MEGF10: variants seen among roughly 807,000 people sequenced by gnomAD.
The protein encoded by MEGF10 is multiple EGF like domains 10.
A neutral mutation model predicts 147.5 loss-of-function variants in MEGF10; 86 were observed. The observed-to-expected ratio is 0.58, with a 90% CI of 0.49 to 0.70. The LOEUF is 0.70. MEGF10 is among the 30% of genes least tolerant of loss of function. The pLI is 0.00. For missense variants in MEGF10, 1,329 were observed against 1,487.3 expected (o/e 0.89, Z 1.75); for synonymous variants, 478 against 525.5 (o/e 0.91, Z 1.24).
intron 16 of MEGF10, among the ~76,000 whole-genome samples, chr5:127,436,495 A>G (rs1186880302): frequency 6.6e-6 from 1 of 152,214 alleles, no homozygotes; most frequent in East Asian, 1.9e-4. Flanking sequence ...CTTCAGAAGA[A>G]ATCAGTCTGT....
chr5:127,446,748 A>G (rs1312436566), intron 20 of MEGF10, among the ~76,000 whole-genome samples: 1 of 152,196 alleles, frequency 6.6e-6, no homozygotes, highest in East Asian at 1.9e-4. Flanking sequence ...AAACTGGTTT[A>G]ATTCTAATTG....
intron 9 of MEGF10, among the ~76,000 whole-genome samples, chr5:127,416,941 G>A (rs1201250018): frequency 6.6e-6 from 1 of 152,230 alleles, no homozygotes; most frequent in African/African-American, 2.4e-5. Flanking sequence ...CTAGTTAAGG[G>A]AGGGTTTTAG....
chr5:127,433,314 A>C, intron 13 of MEGF10, 49 bp from the exon 14 acceptor site: 1 of 1,612,378 alleles, frequency 6.2e-7, no homozygotes. Context: ...CATCTGCGGA[A>C]ACTCCGCACT....
At chr5:127,298,312 G>A (rs186927662) in intron 1 of MEGF10, among the ~76,000 whole-genome samples, 60 of 152,188 alleles carry the variant, frequency 3.9e-4, no homozygotes, top group Admixed American at 9.2e-4. Flanking sequence ...AGCCCTCATC[G>A]TTCTCACCTG....
chr5:127,267,258 C>G, the MEGF10 span, among the ~76,000 whole-genome samples: 1 of 152,180 alleles, frequency 6.6e-6, no homozygotes, highest in South Asian at 2.1e-4. Flanking sequence ...AGCCTTGCAT[C>G]CCAGGGATGA....
chr5:127,404,966 T>C (rs968431574), intron 8 of MEGF10, among the ~76,000 whole-genome samples: 2 of 152,180 alleles, frequency 1.3e-5, no homozygotes, highest in Non-Finnish European at 2.9e-5. Flanking sequence ...TCTGCCTGCC[T>C]CAGCCTCCCA....
chr5:127,309,995 T>TTCTTTCTG (rs1163336101), intron 1 of MEGF10, among the ~76,000 whole-genome samples: 1 of 75,458 alleles, frequency 1.3e-5, no homozygotes, highest in Non-Finnish European at 3.1e-5. Context: ...CTTTCTTTCT[T>TTCTTTCTG]TCCTTCCTTC....
the MEGF10 span, among the ~76,000 whole-genome samples, chr5:127,245,851 A>T: frequency 6.6e-6 from 1 of 152,242 alleles, no homozygotes; most frequent in African/African-American, 2.4e-5. Flanking sequence ...AACATATGAA[A>T]AAAAGCTCAT....
Position 127,455,275 on chromosome 5 carries a change from T to A in MEGF10, c.3026-126T>A. 7 of 839,690 alleles carry A rather than the reference T, an allele frequency of 8.3e-6. No individual in the cohort carries two copies. The Admixed American group carries it at 1.6e-4, about 19-fold the overall frequency. 52.0% of individuals were successfully genotyped at this position (839,690 alleles called of 1,614,324 possible). A position where few individuals can be genotyped will look rare whatever the true frequency, so the allele number is the denominator to read the frequency against. Reference sequence around the variant, plus strand: ...TTCTCTCCAAAACAAGTGGAAAAGGTACAGTATTATTTTCAGTGTGTAGAA... The same window carrying A: ...TTCTCTCCAAAACAAGTGGAAAAGGAACAGTATTATTTTCAGTGTGTAGAA... On this transcript the variant is annotated intron_variant, in intron 23 of 24. Transcript: ENST00000503335.
rs770450705 is a variant in MEGF10 at position 127,420,083 on chromosome 5, G to T, written c.1466G>T (p.Gly489Val). ...GACTGCTCCATCAGATGTCCCAGTG[G>T]CACATGGGGCTTTGGCTGTAACTTA... ...GVDCSIRCPS[G>V]TWGFGCNLTC... The change falls in exon 12 of 25, where the codon GGC becomes GTC. Residue 489 changes from glycine to valine, a missense_variant. Physicochemically the swap from Gly to Val is moderately radical, Grantham distance 109. Transcript: ENST00000503335. 1.9e-6 allele frequency: 3 copies of T among 1,614,052 alleles called. No homozygotes were observed. The highest frequency in any genetic ancestry group is 1.3e-5 in the African/African-American group (1 of 74,910).
chr5:127,372,548 C>T (rs1442117923), intron 5 of MEGF10, among the ~76,000 whole-genome samples: 3 of 152,208 alleles, frequency 2.0e-5, no homozygotes, highest in Non-Finnish European at 4.4e-5. Flanking sequence ...CAACACACTA[C>T]ATTTCACTGT....
At chr5:127,243,129 T>G in the MEGF10 span, among the ~76,000 whole-genome samples, 46 of 152,306 alleles carry the variant, frequency 3.0e-4, no homozygotes, top group African/African-American at 1.1e-3. Context: ...TGCAGAGAGA[T>G]AATATTTTTG....
At chr5:127,238,311 T>A in the MEGF10 span, among the ~76,000 whole-genome samples, 1 of 152,024 alleles carries the variant, frequency 6.6e-6, no homozygotes, top group East Asian at 1.9e-4. Flanking sequence ...CCACCTCAGG[T>A]TCCCAAATTT....
chr5:127,420,192 C>T lies in MEGF10; in HGVS notation c.1575C>T (p.Cys525=), dbSNP rs765445505. The change falls in exon 12 of 25, where the codon TGC becomes TGT. Residue 525 remains cysteine, a synonymous_variant. Coordinates refer to ENST00000503335, the MANE Select transcript of MEGF10 (RefSeq NM_001256545.2). ...CACCTGGATGGCGCGGGGAGAAATG[C>T]GAACTTCCCTGCCAGGTATGCACAA... ...TCAPGWRGEK[C]ELPCQDGTYG... The T allele has an allele frequency of 4.3e-6, 7 of 1,614,078 alleles. No individual in the cohort carries two copies. The highest frequency in any genetic ancestry group is 2.2e-5 in the South Asian group (2 of 91,068).
At chr5:127,270,467 A>T in the MEGF10 span, among the ~76,000 whole-genome samples, 3 of 152,226 alleles carry the variant, frequency 2.0e-5, no homozygotes, top group African/African-American at 7.2e-5. Flanking sequence ...AAACCAACAA[A>T]GATCAAAAGA....
chr5:127,378,050 T>G (rs1023938253), intron 5 of MEGF10, among the ~76,000 whole-genome samples: 4 of 152,106 alleles, frequency 2.6e-5, no homozygotes, highest in Admixed American at 2.6e-4. Context: ...GATTTTGCCT[T>G]TCCTAAGGAG....
chr5:127,281,769 G>A, the MEGF10 span, among the ~76,000 whole-genome samples: 2 of 152,206 alleles, frequency 1.3e-5, no homozygotes, highest in Non-Finnish European at 2.9e-5. Flanking sequence ...TCTTCAGTAG[G>A]CCTAGCAGGG....
intron 12 of MEGF10, among the ~76,000 whole-genome samples, chr5:127,421,480 A>C (rs923848368): frequency 6.6e-6 from 1 of 152,176 alleles, no homozygotes; most frequent in Non-Finnish European, 1.5e-5. Flanking sequence ...GAAGGCTTGT[A>C]GTGCCTCCCT....
the MEGF10 span, among the ~76,000 whole-genome samples, chr5:127,267,065 A>T: frequency 4.6e-5 from 7 of 152,206 alleles, no homozygotes; most frequent in Non-Finnish European, 8.8e-5. Context: ...GGTTTGTCAT[A>T]AATAGCTCTT....
Sources: gnomAD v4.1 joint callset for allele counts (sites outside exome capture counted in the v4.1 genomes callset) on GRCh38, gnomAD v4.1.1 for gene constraint, MANE v1.5 for transcripts, NCBI Gene and HGNC (gene_info 2026-07-23, HGNC 2026-07-21) for gene names.